MBNL2: variants seen among roughly 807,000 people sequenced by gnomAD.
MBNL2 encodes the protein muscleblind-like protein 2.
A neutral mutation model predicts 41.9 loss-of-function variants in MBNL2; 17 were observed. The observed-to-expected ratio is 0.41, with a 90% confidence interval of 0.28 to 0.61. MBNL2 has a LOEUF of 0.61. Ranked by LOEUF, MBNL2 falls within the 20% of genes least tolerant of loss-of-function variation. The probability of loss-of-function intolerance (pLI) is 0.35; values close to 1 mark genes in which losing one functional copy is unlikely to be tolerated. For synonymous variants in MBNL2, 195 were observed against 182.9 expected, an observed-to-expected ratio of 1.07 and a Z score of -0.53; for missense variants, 336 against 505.6, an observed-to-expected ratio of 0.66 and a Z score of 3.22.
chr13:97,383,467 T>C (rs992635378), intron 8 of MBNL2, among the ~76,000 whole-genome samples: 1 of 152,222 alleles, frequency 6.6e-6, no homozygotes, highest in Non-Finnish European at 1.5e-5. Context: ...AAATGACAAT[T>C]TTTCTTTAGT....
At chr13:97,150,299 C>T in the MBNL2 span, among the ~76,000 whole-genome samples, 3 of 152,152 alleles carry the variant, frequency 2.0e-5, no homozygotes, top group African/African-American at 7.2e-5. Context: ...CCGAATTTAA[C>T]AAGATGAATG....
At chr13:97,188,426 C>A in the MBNL2 span, among the ~76,000 whole-genome samples, 2 of 152,162 alleles carry the variant, frequency 1.3e-5, no homozygotes, top group East Asian at 1.9e-4. Flanking sequence ...CTGGGAGATA[C>A]ACCGGCTCTC....
chr13:97,290,410 C>G (rs2055613277), intron 2 of MBNL2, among the ~76,000 whole-genome samples: 1 of 151,750 alleles, frequency 6.6e-6, no homozygotes, highest in African/African-American at 2.4e-5. Context: ...GGCGCGGTGG[C>G]TCACGCCTGT....
the MBNL2 span, among the ~76,000 whole-genome samples, chr13:97,194,026 A>C: frequency 6.6e-6 from 1 of 152,184 alleles, no homozygotes; most frequent in African/African-American, 2.4e-5. Flanking sequence ...TCTTCACTCG[A>C]CTTTGTGTAT....
the MBNL2 span, among the ~76,000 whole-genome samples, chr13:97,163,891 A>G: frequency 2.0e-5 from 3 of 152,236 alleles, no homozygotes; most frequent in Non-Finnish European, 4.4e-5. Flanking sequence ...GGAGTTTTGC[A>G]TCTACAAGCC....
the MBNL2 span, among the ~76,000 whole-genome samples, chr13:97,181,006 A>G: frequency 6.6e-6 from 1 of 151,914 alleles, no homozygotes; most frequent in Non-Finnish European, 1.5e-5. Context: ...TGCACTGTGT[A>G]TTCCTTGGCT....
chr13:97,256,804 C>T (rs950893682), intron 1 of MBNL2, among the ~76,000 whole-genome samples: 42 of 152,106 alleles, frequency 2.8e-4, no homozygotes, highest in African/African-American at 9.9e-4. Flanking sequence ...TGATTCTTAG[C>T]AGTGTGGATT....
chr13:97,373,792 C>A (rs1436173621), intron 8 of MBNL2, among the ~76,000 whole-genome samples: 2 of 151,986 alleles, frequency 1.3e-5, no homozygotes, highest in African/African-American at 4.8e-5. Context: ...CAGGCCTACC[C>A]TGAAGTTTAA....
chr13:97,221,504 C>G (rs1416680371), upstream of MBNL2: 1 of 152,120 alleles, frequency 6.6e-6, no homozygotes, highest in Non-Finnish European at 1.5e-5. Flanking sequence ...GGATCATGTA[C>G]CCCTTGTATT....
the MBNL2 span, among the ~76,000 whole-genome samples, chr13:97,150,181 T>C: frequency 6.6e-6 from 1 of 152,218 alleles, no homozygotes; most frequent in Non-Finnish European, 1.5e-5. Flanking sequence ...CAGCAAGGCT[T>C]TCTACTTGCC....
the MBNL2 span, among the ~76,000 whole-genome samples, chr13:97,187,664 T>A: frequency 1.4e-5 from 2 of 145,640 alleles, no homozygotes; most frequent in East Asian, 4.0e-4. Flanking sequence ...TCCCAGCACT[T>A]TGGGAGGCCA....
the MBNL2 span, among the ~76,000 whole-genome samples, chr13:97,205,423 T>A: frequency 2.6e-5 from 4 of 151,842 alleles, no homozygotes; most frequent in African/African-American, 7.3e-5. Flanking sequence ...GATAATTCAG[T>A]GGTTTCTACA....
At chr13:97,143,644 G>A in the MBNL2 span, among the ~76,000 whole-genome samples, 17 of 152,206 alleles carry the variant, frequency 1.1e-4, no homozygotes, top group Admixed American at 8.5e-4. Flanking sequence ...TTTAACTTAC[G>A]GATTTCCGTA....
intron 1 of MBNL2, among the ~76,000 whole-genome samples, chr13:97,262,313 G>A (rs887448258): frequency 6.6e-5 from 10 of 152,154 alleles, no homozygotes; most frequent in Non-Finnish European, 1.2e-4. Flanking sequence ...CTTCCCCTTC[G>A]TGACACCTAG....
the MBNL2 span, among the ~76,000 whole-genome samples, chr13:97,149,739 A>G: frequency 6.6e-6 from 1 of 152,094 alleles, no homozygotes; most frequent in East Asian, 1.9e-4. Context: ...TCTAACTCCA[A>G]TTGTGTAGAC....
Position 97,299,053 on chromosome 13 carries a change from GGGATGTTA to G in MBNL2, c.174+22648_174+22655del, listed in dbSNP as rs1474850034. On this transcript the variant is annotated intron_variant, in intron 2 of 8. Transcript: ENST00000679496. Reference sequence around the variant, plus strand: ...GGGAAGAAGTCAGAAAGAAAGCAATGGGATGTTAGGAATTGCAGGATTAGGACTGAAAA... The same window carrying G: ...GGGAAGAAGTCAGAAAGAAAGCAATGGGAATTGCAGGATTAGGACTGAAAA... Among the ~76,000 whole-genome samples, 10 of 152,256 alleles carry G rather than the reference GGGATGTTA, an allele frequency of 6.6e-5. No individual in the cohort carries two copies. In the South Asian group the frequency reaches 8.3e-4, roughly 13 times the overall value.
intron 2 of MBNL2, among the ~76,000 whole-genome samples, chr13:97,290,360 G>A (rs1010003903): frequency 2.0e-5 from 3 of 152,070 alleles, no homozygotes; most frequent in Non-Finnish European, 4.4e-5. Flanking sequence ...CTAGTGGGAA[G>A]TGACAAAAAA....
intron 8 of MBNL2, among the ~76,000 whole-genome samples, chr13:97,365,548 C>T (rs2063779958): frequency 6.6e-6 from 1 of 152,194 alleles, no homozygotes; most frequent in African/African-American, 2.4e-5. Flanking sequence ...CCTTTATCTC[C>T]TCTTTGCTGT....
At chr13:97,164,325 G>A in the MBNL2 span, among the ~76,000 whole-genome samples, 14 of 152,150 alleles carry the variant, frequency 9.2e-5, no homozygotes, top group African/African-American at 3.1e-4. Context: ...TTTTATCAAG[G>A]CATTAATCAG....
Sources: allele counts gnomAD v4.1 joint callset (sites outside exome capture counted in the v4.1 genomes callset), GRCh38; gene constraint gnomAD v4.1.1; transcripts MANE v1.5; gene names NCBI Gene and HGNC (gene_info 2026-07-23, HGNC 2026-07-21).